PDE10A: variants seen among roughly 807,000 people sequenced by gnomAD.
PDE10A encodes the protein phosphodiesterase 10A, also known as cAMP and cAMP-inhibited cGMP 3',5'-cyclic phosphodiesterase 10A.
Under a neutral mutation model 97.7 loss-of-function variants are expected in PDE10A, and 39 were observed. The ratio of observed to expected loss-of-function variants is 0.40; its 90% CI spans 0.31 to 0.52. The LOEUF is 0.52. Among genes scored for constraint, PDE10A ranks in the 20% least tolerant of loss-of-function variants. PDE10A has a pLI of 0.56. For missense variants in PDE10A, 731 were observed against 1,047.8 expected (o/e 0.70, Z 4.17); for synonymous variants, 371 against 376.8 (o/e 0.98, Z 0.18).
chr6:165,619,843 T>C lies in PDE10A; in HGVS notation c.865+42104A>G, dbSNP rs116034484. ...AGACAACCCCGGGCCCTCACTCACA[T>C]AGAGCACCGGGGACAAGCTGCTTCC... On this transcript the variant is annotated intron_variant, in intron 1 of 21. Coordinates refer to ENST00000539869, the MANE Select transcript of PDE10A (RefSeq NM_001385079.1). Among the ~76,000 whole-genome samples the C allele has an allele frequency of 5.6e-3, 856 of 152,118 alleles. 11 individuals carry two copies. The highest frequency in any genetic ancestry group is 0.019 in the African/African-American group (769 of 41,470).
At chr6:165,435,423 A>C (rs1233621657) in intron 5 of PDE10A, 46 bp from the exon 6 acceptor site, 3 of 1,549,444 alleles carry the variant, frequency 1.9e-6, no homozygotes, top group Non-Finnish European at 2.6e-6. Flanking sequence ...GTACATGTGC[A>C]TAGTACAAAA....
chr6:165,933,036 CAGAGATGA>C (rs1464644747), intron 1 of PDE10A, among the ~76,000 whole-genome samples: 1 of 152,130 alleles, frequency 6.6e-6, no homozygotes, highest in East Asian at 1.9e-4. Flanking sequence ...GGGAGGCTAC[CAGAGATGA>C]CAAACCCCTC....
intron 1 of PDE10A, among the ~76,000 whole-genome samples, chr6:165,958,074 G>A (rs141881619): frequency 6.0e-4 from 92 of 152,284 alleles, no homozygotes; most frequent in African/African-American, 2.2e-3. Context: ...TTCCCAGAAT[G>A]AGAACTCACA....
chr6:165,760,820 G>A (rs1793230833), intron 1 of PDE10A, among the ~76,000 whole-genome samples: 1 of 152,212 alleles, frequency 6.6e-6, no homozygotes, highest in Admixed American at 6.5e-5. Context: ...GATGGTGTCA[G>A]GGAAGGGATT....
intron 1 of PDE10A, among the ~76,000 whole-genome samples, chr6:165,735,135 GATAA>G (rs1474211527): frequency 1.3e-5 from 2 of 151,798 alleles, no homozygotes; most frequent in Admixed American, 6.6e-5. Flanking sequence ...TAGGTTGGTA[GATAA>G]ATAGGTAGGT....
At chr6:165,967,833 T>C (rs1390745370) in intron 1 of PDE10A, among the ~76,000 whole-genome samples, 1 of 152,136 alleles carries the variant, frequency 6.6e-6, no homozygotes, top group Admixed American at 6.5e-5. Flanking sequence ...CCATGTTTCA[T>C]TTGATGTGTA....
intron 1 of PDE10A, among the ~76,000 whole-genome samples, chr6:165,936,958 G>A (rs564120566): frequency 9.2e-5 from 14 of 152,228 alleles, no homozygotes; most frequent in African/African-American, 3.1e-4. Flanking sequence ...AGTATGGTTT[G>A]CTTAGGGTTA....
chr6:165,436,830 T>C (rs979914581), intron 5 of PDE10A, among the ~76,000 whole-genome samples: 3 of 152,192 alleles, frequency 2.0e-5, no homozygotes, highest in Non-Finnish European at 4.4e-5. Context: ...AGACTATCAT[T>C]AGATTCAGTA....
At chr6:165,395,690 T>C (rs761624547) in intron 14 of PDE10A, among the ~76,000 whole-genome samples, 2 of 152,192 alleles carry the variant, frequency 1.3e-5, no homozygotes, top group Non-Finnish European at 2.9e-5. Context: ...CCAGAGTTAT[T>C]ACCTATTTTT....
At chr6:165,383,406 A>C (rs1785054773) in intron 17 of PDE10A, among the ~76,000 whole-genome samples, 1 of 152,208 alleles carries the variant, frequency 6.6e-6, no homozygotes, top group Non-Finnish European at 1.5e-5. Flanking sequence ...AAGAAAACAA[A>C]GCTCACCTAC....
chr6:165,503,808 A>G lies in PDE10A; in HGVS notation c.995-21465T>C, dbSNP rs552689230. Among the ~76,000 whole-genome samples, 155 of 152,272 alleles carry G rather than the reference A, an allele frequency of 1.0e-3. 2 individuals are homozygous for G. Among genetic ancestry groups the G allele is most frequent in the African/African-American group, 3.5e-3 (145 of 41,554 alleles). ...AGACCAAGTATCCAAAAGAAATGAA[A>G]TTAATGCAAAAAAAAATAAGTAACT... On this transcript the variant is annotated intron_variant, in intron 2 of 21. Coordinates refer to ENST00000539869, the MANE Select transcript of PDE10A (RefSeq NM_001385079.1).
chr6:165,859,647 T>C (rs1476186851), intron 1 of PDE10A, among the ~76,000 whole-genome samples: 1 of 152,240 alleles, frequency 6.6e-6, no homozygotes. Flanking sequence ...CCAATCCTTT[T>C]GGATTTGTAG....
intron 1 of PDE10A, among the ~76,000 whole-genome samples, chr6:165,928,383 T>TA (rs1389352502): frequency 6.6e-6 from 1 of 152,172 alleles, no homozygotes; most frequent in African/African-American, 2.4e-5. Context: ...GAGTCAGTCT[T>TA]ACGTGGTTTC....
intron 1 of PDE10A, among the ~76,000 whole-genome samples, chr6:165,931,041 G>A (rs1193381981): frequency 2.6e-5 from 4 of 152,202 alleles, no homozygotes; most frequent in Non-Finnish European, 4.4e-5. Context: ...GCACCTCTGC[G>A]ATATCAGATG....
intron 1 of PDE10A, among the ~76,000 whole-genome samples, chr6:165,867,884 C>T (rs546604962): frequency 6.6e-6 from 1 of 152,132 alleles, no homozygotes; most frequent in East Asian, 1.9e-4. Context: ...ACATTGGAAA[C>T]TATGCAAATA....
intron 12 of PDE10A, among the ~76,000 whole-genome samples, chr6:165,415,316 CAATTGATCAAATAACTGAATAA>C (rs1205901358): frequency 6.6e-6 from 1 of 152,124 alleles, no homozygotes; most frequent in African/African-American, 2.4e-5. Context: ...TATTTGACAT[CAATTGATCAAATAACTGAATAA>C]ACTTCCTATT....
At chr6:165,359,436 A>T (rs1384756794) in intron 18 of PDE10A, among the ~76,000 whole-genome samples, 1 of 152,210 alleles carries the variant, frequency 6.6e-6, no homozygotes, top group Non-Finnish European at 1.5e-5. Flanking sequence ...ATTTCTGGCA[A>T]GAAACACGCA....
At chr6:165,415,867 T>A (rs1023918522) in intron 12 of PDE10A, among the ~76,000 whole-genome samples, 2 of 152,174 alleles carry the variant, frequency 1.3e-5, no homozygotes, top group East Asian at 1.9e-4. Context: ...ACGGAGAACA[T>A]GTTTGTTACA....
intron 18 of PDE10A, among the ~76,000 whole-genome samples, chr6:165,369,430 A>C (rs1784059244): frequency 6.6e-6 from 1 of 151,754 alleles, no homozygotes; most frequent in African/African-American, 2.4e-5. Flanking sequence ...TACGTGAAGA[A>C]TGCAGAAGCC....
Sources: gnomAD v4.1 joint callset for allele counts (sites outside exome capture counted in the v4.1 genomes callset) on GRCh38, gnomAD v4.1.1 for gene constraint, MANE v1.5 for transcripts, NCBI Gene and HGNC (gene_info 2026-07-23, HGNC 2026-07-21) for gene names.